CDCA7L: variants seen among roughly 807,000 people sequenced by gnomAD.
CDCA7L encodes the protein cell division cycle associated 7 like.
In CDCA7L, 44 loss-of-function variants were observed where a neutral mutation model predicts 57.4. The ratio of observed to expected loss-of-function variants is 0.77; its 90% CI spans 0.60 to 0.98. The LOEUF (loss-of-function observed/expected upper bound fraction) is 0.98, where lower values mean the gene tolerates loss of function less well. Among genes scored for constraint, CDCA7L ranks in the 50% least tolerant of loss-of-function variants. The pLI, the probability that CDCA7L is intolerant of heterozygous loss-of-function variation, is 0.00. For synonymous variants in CDCA7L, 236 were observed against 202.8 expected (o/e 1.16, Z -1.39); for missense variants, 644 against 580.6 (o/e 1.11, Z -1.12).
chr7:21,928,172 CCTCCAGCAAACTAA>C (rs759663524), intron 1 of CDCA7L, among the ~76,000 whole-genome samples: 8 of 152,164 alleles, frequency 5.3e-5, no homozygotes, highest in Non-Finnish European at 1.0e-4. Flanking sequence ...CTGGAGCGGG[CCTCCAGCAAACTAA>C]CTCCAGCAGA....
intron 6 of CDCA7L, among the ~76,000 whole-genome samples, chr7:21,905,954 G>A (rs529214754): frequency 6.6e-5 from 10 of 152,294 alleles, no homozygotes; most frequent in South Asian, 4.1e-4. Flanking sequence ...CGCTTGAAAC[G>A]CCTCATGCCT....
chr7:21,908,000 C>G, intron 4 of CDCA7L, 130 bp downstream of exon 4: 1 of 941,992 alleles, frequency 1.1e-6, no homozygotes. Context: ...ATACACAATA[C>G]CCAGAGTATA....
rs765748356 is a variant in CDCA7L, at chr7:21,908,519, A to T, written c.304-12T>A. 2 of 1,502,538 alleles carry T rather than the reference A, an allele frequency of 1.3e-6. No individual in the cohort carries two copies. 93.1% of individuals were successfully genotyped at this position (1,502,538 alleles called of 1,614,324 possible). On this transcript the variant is annotated splice_polypyrimidine_tract_variant and intron_variant, in intron 3 of 9. Coordinates refer to ENST00000406877, the MANE Select transcript of CDCA7L (RefSeq NM_018719.5). ...TCTGACTCCACGACCTAATAAAATA[A>T]GAGCAAGAAAAAGCACAAAGACACT...
At chr7:21,932,611 G>T (rs1277499299) in intron 1 of CDCA7L, among the ~76,000 whole-genome samples, 1 of 152,174 alleles carries the variant, frequency 6.6e-6, no homozygotes, top group Admixed American at 6.5e-5. Flanking sequence ...GCAGAAAACT[G>T]AAACTGGACC....
At chr7:21,909,979 G>A (rs987093372) in intron 3 of CDCA7L, among the ~76,000 whole-genome samples, 1 of 152,144 alleles carries the variant, frequency 6.6e-6, no homozygotes, top group Non-Finnish European at 1.5e-5. Context: ...CAGGAGGGTG[G>A]GCTGGGAGGC....
chr7:21,908,082 T>C (rs748308414), intron 4 of CDCA7L, 48 bp downstream of exon 4: 1 of 1,490,586 alleles, frequency 6.7e-7, no homozygotes, highest in Non-Finnish European at 8.8e-7. Context: ...CAGCAACTGC[T>C]GCCAGAGCCT....
chr7:21,908,591 TTA>T (rs1442123872), intron 3 of CDCA7L, 84 bp from the exon 4 acceptor site: 2 of 1,346,840 alleles, frequency 1.5e-6, no homozygotes, highest in Non-Finnish European at 2.0e-6. Flanking sequence ...ACTGACAGCA[TTA>T]TGAGAAAAAA....
rs1785335387 is a variant in CDCA7L, at chr7:21,911,747, A to G, written c.173T>C (p.Val58Ala). ...DSLESGKQQD[V>A]RFHSKYFTEE... ...TGTGAAGTATTTGGAATGAAAGCGC[A>G]CATCCTGCTAAATTAAAGACACACA... The change falls in exon 3 of 10, where the codon GTG becomes GCG. Residue 58 changes from valine to alanine, a missense_variant. Val to Ala is a moderately conservative substitution (Grantham distance 64, BLOSUM62 0). Transcript: ENST00000406877. 2 of 1,611,982 alleles carry G rather than the reference A, an allele frequency of 1.2e-6. No homozygotes were observed. The highest frequency in any genetic ancestry group is 1.1e-5 in the South Asian group (1 of 90,528).
chr7:21,911,914 C>T (rs113859456), intron 2 of CDCA7L, among the ~76,000 whole-genome samples, 160 bp from the exon 3 acceptor site: 6 of 151,052 alleles, frequency 4.0e-5, no homozygotes, highest in African/African-American at 1.5e-4. Flanking sequence ...GAACTGTACA[C>T]ATCAAAAACA....
intron 1 of CDCA7L, among the ~76,000 whole-genome samples, chr7:21,925,887 GA>G (rs961649252): frequency 3.3e-5 from 5 of 150,404 alleles, no homozygotes; most frequent in African/African-American, 1.2e-4. Context: ...AATTAAAGAA[GA>G]AAAAAAAAGA....
At chr7:21,943,077 C>CTGCA (rs1402536861) in intron 1 of CDCA7L, among the ~76,000 whole-genome samples, 1 of 152,242 alleles carries the variant, frequency 6.6e-6, no homozygotes, top group Non-Finnish European at 1.5e-5. Flanking sequence ...TCCTACGGAG[C>CTGCA]TGCAGCAAGC....
chr7:21,924,683 C>T (rs1363968897), intron 1 of CDCA7L, among the ~76,000 whole-genome samples: 4 of 152,062 alleles, frequency 2.6e-5, no homozygotes, highest in Non-Finnish European at 5.9e-5. Flanking sequence ...TTAAGTTAGG[C>T]AAAGAATTCT....
chr7:21,905,719 C>A, intron 6 of CDCA7L, 88 bp from the exon 7 acceptor site: 1 of 1,387,866 alleles, frequency 7.2e-7, no homozygotes, highest in Non-Finnish European at 9.6e-7. Context: ...AGATCTAGCA[C>A]CATTAATGTT....
chr7:21,903,249 A>AG (rs750110107), intron 8 of CDCA7L, 135 bp from the exon 9 acceptor site: 2 of 779,752 alleles, frequency 2.6e-6, no homozygotes, highest in East Asian at 2.8e-5. Context: ...TCTACGTCCC[A>AG]GGGGGCTCCT....
chr7:21,941,689 C>T (rs1786344389), intron 1 of CDCA7L, among the ~76,000 whole-genome samples: 1 of 152,174 alleles, frequency 6.6e-6, no homozygotes, highest in South Asian at 2.1e-4. Flanking sequence ...CCTGACTCAC[C>T]AAGGCCCGGT....
intron 9 of CDCA7L, 188 bp downstream of exon 9, chr7:21,902,790 A>T (rs553831571): frequency 6.9e-6 from 4 of 577,250 alleles, no homozygotes; most frequent in Non-Finnish European, 1.2e-5. Context: ...GCAAAGGAGA[A>T]GATTCCCTAA....
rs1457742607 is a variant in CDCA7L, at chr7:21,902,342, C to G, written c.1345G>C (p.Glu449Gln). 1 of 1,613,850 alleles carries G rather than the reference C, an allele frequency of 6.2e-7. No individual in the cohort carries two copies. The highest frequency in any genetic ancestry group is 1.7e-5 in the Admixed American group (1 of 60,006). Residue 449 changes from glutamate to glutamine, a missense_variant, in exon 10 of 10, where the codon GAG becomes CAG. By Grantham distance (29) the Glu-to-Gln change is conservative (BLOSUM62 2). Transcript: ENST00000406877. ...VKEYLESLQK[E>Q]LVEDN ...TCCTCTTAATTGTCTTCTACCAGCT[C>G]CTTTTGTAAGCTGGGAAAAAGATGA...
chr7:21,903,179 C>T (rs371179171), intron 8 of CDCA7L, 65 bp from the exon 9 acceptor site: 521 of 1,525,434 alleles, frequency 3.4e-4, no homozygotes, highest in Non-Finnish European at 3.6e-4. Context: ...AACTGGGATT[C>T]GGATCCAGAA....
intron 1 of CDCA7L, among the ~76,000 whole-genome samples, chr7:21,936,386 C>A (rs1219138382): frequency 1.3e-5 from 2 of 152,106 alleles, no homozygotes; most frequent in Non-Finnish European, 2.9e-5. Flanking sequence ...AACTATACAG[C>A]CATATCTCTT....
Sources: allele counts gnomAD v4.1 joint callset (sites outside exome capture counted in the v4.1 genomes callset), GRCh38; gene constraint gnomAD v4.1.1; transcripts MANE v1.5; gene names NCBI Gene and HGNC (gene_info 2026-07-23, HGNC 2026-07-21).